The following CAMTA2 variants were observed in gnomAD, a reference collection of about 807,000 sequenced individuals.
CAMTA2 encodes calmodulin-binding transcription activator 2.
A neutral mutation model predicts 135.7 loss-of-function variants in CAMTA2; 56 were observed. The observed-to-expected ratio is 0.41, with a 90% CI of 0.33 to 0.52. The LOEUF (loss-of-function observed/expected upper bound fraction) is 0.52. Ranked by LOEUF, CAMTA2 falls within the 20% of genes least tolerant of loss-of-function variation. The probability of loss-of-function intolerance (pLI) is 0.16; values close to 1 mark genes in which losing one functional copy is unlikely to be tolerated. For synonymous variants in CAMTA2, 591 were observed against 604.6 expected (o/e 0.98, Z 0.33); for missense variants, 1,358 against 1,553.4 (o/e 0.87, Z 2.11).
In CAMTA2 at chr17:4,987,626, C is replaced by T; in HGVS notation, c.-98G>A. 1 of 1,527,690 alleles carries T rather than the reference C, an allele frequency of 6.5e-7. No homozygotes were observed. The highest frequency in any genetic ancestry group is 8.7e-7 in the Non-Finnish European group (1 of 1,143,026). The allele number at this position is 1,527,690 out of a possible 1,614,324, so 94.6% of individuals were successfully genotyped here. A position where few individuals can be genotyped will look rare whatever the true frequency, so the allele number is the denominator to read the frequency against. On this transcript the variant is annotated 5_prime_UTR_variant, in exon 1 of 23. Coordinates refer to ENST00000348066, the MANE Select transcript of CAMTA2 (RefSeq NM_015099.4). ...GTCCCGCGGGTGACGGCGGCAGCGG[C>T]CATTCTACCCCACACCGACCCCCCC... is the stretch of plus-strand genomic sequence containing the variant.
chr17:4,977,332 C>G (rs1215975004), intron 10 of CAMTA2, 140 bp from the exon 11 acceptor site: 4 of 1,013,996 alleles, frequency 3.9e-6, no homozygotes, highest in Non-Finnish European at 5.6e-6. Context: ...GCTTCAGTGG[C>G]CTTGGCACTA....
At chr17:4,970,257 G>C in intron 17 of CAMTA2, 83 bp downstream of exon 17, 1 of 1,519,548 alleles carries the variant, frequency 6.6e-7, no homozygotes, top group Non-Finnish European at 9.1e-7. Flanking sequence ...CCAGAATGGA[G>C]CTTTGGCTGT....
chr17:4,977,322 G>T, intron 10 of CAMTA2, 130 bp from the exon 11 acceptor site: 1 of 1,147,330 alleles, frequency 8.7e-7, no homozygotes, highest in Non-Finnish European at 1.2e-6. Context: ...GAGGCCCCTG[G>T]CTTCAGTGGC....
chr17:4,970,259 T>G, intron 17 of CAMTA2, 81 bp downstream of exon 17: 2 of 1,537,080 alleles, frequency 1.3e-6, no homozygotes, highest in South Asian at 1.1e-5. Flanking sequence ...AGAATGGAGC[T>G]TTGGCTGTGG....
Position 4,972,400 on chromosome 17 carries a change from G to T in CAMTA2, c.2640C>A (p.Ala880=), listed in dbSNP as rs768060485. The part of the protein sequence containing the change: ...PASEMTMEDM[A]PGQLSSGVPE... ...GGACACCAGAGGAAAGCTGGCCTGG[G>T]GCCATGTCCTCCATAGTCATCTCAG... The change falls in exon 16 of 23, where the codon GCC becomes GCA. Residue 880 remains alanine (A), a synonymous_variant. Coordinates refer to ENST00000348066, the MANE Select transcript of CAMTA2 (RefSeq NM_015099.4). 6.2e-7 allele frequency: 1 copy of T among 1,613,994 alleles called. No homozygotes were observed. The highest frequency in any genetic ancestry group is 2.2e-5 in the East Asian group (1 of 44,888).
Position 4,973,652 on chromosome 17 carries a change from TG to T in CAMTA2, c.2133del (p.Met712Ter). On this transcript the variant is annotated frameshift_variant, in exon 13 of 23. Coordinates refer to ENST00000348066, the MANE Select transcript of CAMTA2 (RefSeq NM_015099.4). LOFTEE classifies it high-confidence loss of function. ...ERLAHGSPFR[G>X]MSLLHLAAAQ... Reference sequence around the variant, plus strand: ...GCAGCAGCCAGGTGCAGAAGGCTCATGCCCCGGAAGGGGCTTCCATGGGCCA... The same window carrying T: ...GCAGCAGCCAGGTGCAGAAGGCTCATCCCCGGAAGGGGCTTCCATGGGCCA... 1.2e-6 allele frequency: 2 copies of T among 1,614,226 alleles called. No homozygotes were observed. Among genetic ancestry groups the T allele is most frequent in the South Asian group, 1.1e-5 (1 of 91,086 alleles).
rs575541552 is a variant in CAMTA2 at position 4,980,536 on chromosome 17, G to T, written c.786C>A (p.Thr262=). ...PKVEPRALTL[T]SIPHAHPPEP... ...CTGGGGGGTGAGCGTGGGGGATAGA[G>T]GTCAGGGTTAAAGCTCGGGGCTCCA... Residue 262 remains threonine, a synonymous_variant, in exon 9 of 23, where the codon ACC becomes ACA. Coordinates refer to ENST00000348066, the MANE Select transcript of CAMTA2 (RefSeq NM_015099.4). This position sits in a 1 kb window ranked among gnomAD's most constrained non-coding sequence, Gnocchi z 5.3. 4 of 1,613,698 alleles carry T rather than the reference G, an allele frequency of 2.5e-6. No homozygotes were observed. The highest frequency in any genetic ancestry group is 3.4e-6 in the Non-Finnish European group (4 of 1,179,718).
chr17:4,978,572 C>G lies in CAMTA2; in HGVS notation c.1697G>C (p.Cys566Ser). 6.2e-7 allele frequency: 1 copy of G among 1,614,140 alleles called. No homozygotes were observed. The highest frequency in any genetic ancestry group is 8.5e-7 in the Non-Finnish European group (1 of 1,179,976). The change falls in exon 10 of 23, where the codon TGT becomes TCT. Residue 566 changes from cysteine (C) to serine (S), a missense_variant. Physicochemically the swap from Cys to Ser is moderately radical, Grantham distance 112. Transcript: ENST00000348066. ...TGGCACTGCGATGTGATCAAAGACA[C>G]AGGAGTAATGCTCGGCGGCTTCGGT... The part of the protein sequence containing the change: ...PWTEAAEHYS[C>S]VFDHIAVPAS...
chr17:4,986,240 G>GT lies in CAMTA2; in HGVS notation c.-19_-18insA, dbSNP rs1567701356. On this transcript the variant is annotated 5_prime_UTR_variant, in exon 2 of 23. Coordinates refer to ENST00000348066, the MANE Select transcript of CAMTA2 (RefSeq NM_015099.4). Reference sequence around the variant, plus strand: ...GTATTCATGGTGAGGGCTCCAGGGGGCAAGGTCACCCCCGGCCTGAGGGGC... The same window carrying GT: ...GTATTCATGGTGAGGGCTCCAGGGGGTCAAGGTCACCCCCGGCCTGAGGGGC... 1 of 1,606,438 alleles carries GT rather than the reference G, an allele frequency of 6.2e-7. No homozygotes were observed. The highest frequency in any genetic ancestry group is 1.1e-5 in the South Asian group (1 of 90,872).
At chr17:4,987,361 C>T (rs984021704) in intron 1 of CAMTA2, 1 of 1,360,664 alleles carries the variant, frequency 7.3e-7, no homozygotes, top group Non-Finnish European at 9.4e-7. Flanking sequence ...AGGGACAGTG[C>T]AGGTGCCGGG....
rs1972016622 is a variant in CAMTA2 at position 4,968,008 on chromosome 17, T to C, written c.*748A>G. 1.7e-6 allele frequency: 1 copy of C among 583,548 alleles called. No homozygotes were observed. Among genetic ancestry groups the C allele is most frequent in the East Asian group, 2.9e-5 (1 of 35,024 alleles). 36.1% of individuals were successfully genotyped at this position (583,548 alleles called of 1,614,324 possible). ...GGCCGGAGGCTGGCTGGTGCAGCGATGTTTAATGGCAATTCGTATAAACCA... is the reference window on the plus strand; with the variant it reads ...GGCCGGAGGCTGGCTGGTGCAGCGACGTTTAATGGCAATTCGTATAAACCA... On this transcript the variant is annotated 3_prime_UTR_variant, in exon 23 of 23. Transcript: ENST00000348066.
chr17:4,984,209 C>T (rs1973132236), intron 3 of CAMTA2, among the ~76,000 whole-genome samples: 1 of 152,186 alleles, frequency 6.6e-6, no homozygotes, highest in Admixed American at 6.5e-5. Flanking sequence ...CTCAGCCTCC[C>T]AAAGTGCTGG....
rs147743213 is a variant in CAMTA2, at chr17:4,982,080, C to T, written c.411+9G>A. 8.7e-4 allele frequency: 1,400 copies of T among 1,609,274 alleles called. 10 individuals are homozygous for T. In the East Asian group the frequency reaches 0.012, roughly 14 times the overall value. ...AAGAGGGTGGCTCCCTGGGCTCTTC[C>T]GTCCTTACCTGGAGCAGCCAGTAGC... is the stretch of plus-strand genomic sequence containing the variant. On this transcript the variant is annotated intron_variant, in intron 6 of 22. Coordinates refer to ENST00000348066, the MANE Select transcript of CAMTA2 (RefSeq NM_015099.4).
rs748785529 is a variant in CAMTA2, at chr17:4,969,962, G to C, written c.3129C>G (p.His1043Gln). 2 of 1,614,100 alleles carry C rather than the reference G, an allele frequency of 1.2e-6. No individual in the cohort carries two copies. Among genetic ancestry groups the C allele is most frequent in the Non-Finnish European group, 8.5e-7 (1 of 1,179,996 alleles). Residue 1043 changes from histidine to glutamine, a missense_variant, in exon 18 of 23, where the codon CAC becomes CAG. Transcript: ENST00000348066. The surrounding 1 kb of genome is among the most constrained non-coding windows in gnomAD (Gnocchi z 5.6). ...SDFALLTLSD[H>Q]EQRELYEAAR... ...CAGCCTCATACAGTTCCCGCTGCTC[G>C]TGATCTGATAGTGTCAGCAGGGCAA...
In CAMTA2 at chr17:4,972,764, C is replaced by T; in HGVS notation, c.2503+5G>A. 1 of 1,612,774 alleles carries T rather than the reference C, an allele frequency of 6.2e-7. No individual in the cohort carries two copies. Among genetic ancestry groups the T allele is most frequent in the Non-Finnish European group, 8.5e-7 (1 of 1,179,124 alleles). On this transcript the variant is annotated splice_donor_5th_base_variant and intron_variant, in intron 15 of 22. Coordinates refer to ENST00000348066, the MANE Select transcript of CAMTA2 (RefSeq NM_015099.4). ...CTCTCTCCAAAAGATTAGGGCCACC[C>T]TCACCAGTGTCTGGGCTGGAGGAGG...
intron 11 of CAMTA2, among the ~76,000 whole-genome samples, chr17:4,975,036 A>T (rs1461699387): frequency 6.6e-6 from 1 of 152,124 alleles, no homozygotes; most frequent in Admixed American, 6.5e-5. Flanking sequence ...AAGGTGACAG[A>T]GATGGATAGC....
intron 9 of CAMTA2, among the ~76,000 whole-genome samples, chr17:4,979,109 C>G (rs982565571): frequency 5.9e-5 from 9 of 152,168 alleles, no homozygotes; most frequent in Non-Finnish European, 8.8e-5. Flanking sequence ...GAATGAGGTC[C>G]TAGGAGACTC....
intron 3 of CAMTA2, among the ~76,000 whole-genome samples, chr17:4,984,101 C>G (rs1470655191): frequency 6.6e-6 from 1 of 152,102 alleles, no homozygotes; most frequent in Non-Finnish European, 1.5e-5. Context: ...CAGGCGCCCA[C>G]GACCACGCCC....
In CAMTA2 at chr17:4,979,691, T is replaced by G. The variant is rs368227829; in HGVS notation, c.1631A>C (p.Tyr544Ser). Residue 544 changes from tyrosine to serine, a missense_variant, in exon 9 of 23, where the codon TAC becomes TCC. Coordinates refer to ENST00000348066, the MANE Select transcript of CAMTA2 (RefSeq NM_015099.4). Reference protein sequence around the residue: ...TITDFSPEWSYPEGGVKVLIT... With the variant: ...TITDFSPEWSSPEGGVKVLIT... ...GGTAAGCCTGAGTCTCACCTCTGGGTAGGACCACTCTGGGGAGAAGTCTGT... is the reference window on the plus strand; with the variant it reads ...GGTAAGCCTGAGTCTCACCTCTGGGGAGGACCACTCTGGGGAGAAGTCTGT... The G allele has an allele frequency of 6.2e-7, 1 of 1,611,696 alleles. No individual in the cohort carries two copies. The highest frequency in any genetic ancestry group is 8.5e-7 in the Non-Finnish European group (1 of 1,178,412).
Sources: allele counts gnomAD v4.1 joint callset (sites outside exome capture counted in the v4.1 genomes callset), GRCh38; gene constraint gnomAD v4.1.1; non-coding constraint Gnocchi (gnomAD v3.1); transcripts MANE v1.5; gene names NCBI Gene and HGNC (gene_info 2026-07-23, HGNC 2026-07-21).